ENTREP2: variants seen among roughly 807,000 people sequenced by gnomAD.
ENTREP2 encodes protein ENTREP2.
the ENTREP2 span, among the ~76,000 whole-genome samples, chr15:29,501,325 C>T: frequency 2.0e-5 from 3 of 151,940 alleles, no homozygotes; most frequent in Non-Finnish European, 4.4e-5. Flanking sequence ...GGGTTATTCA[C>T]CATGACCAAG....
the ENTREP2 span, among the ~76,000 whole-genome samples, chr15:29,178,439 C>G: frequency 4.9e-4 from 74 of 152,170 alleles, no homozygotes; most frequent in African/African-American, 1.7e-3. Flanking sequence ...ATGCACCTTT[C>G]TTACCTTCTC....
At chr15:29,667,177 C>A in the ENTREP2 span, among the ~76,000 whole-genome samples, 14 of 151,482 alleles carry the variant, frequency 9.2e-5, no homozygotes, top group Non-Finnish European at 1.5e-4. Context: ...CATATATTTT[C>A]TTTTCTTTTC....
At chr15:29,235,046 TA>T in the ENTREP2 span, 11 of 1,151,268 alleles carry the variant, frequency 9.6e-6, no homozygotes, top group Non-Finnish European at 1.3e-5. Flanking sequence ...TCTTCCCAGG[TA>T]GTGGCCCCAC....
chr15:29,669,807 T>C, the ENTREP2 span, among the ~76,000 whole-genome samples: 1 of 152,198 alleles, frequency 6.6e-6, no homozygotes, highest in Non-Finnish European at 1.5e-5. Flanking sequence ...GTTAATGACA[T>C]GCTCATTTCA....
the ENTREP2 span, among the ~76,000 whole-genome samples, chr15:29,235,719 A>G: frequency 6.6e-6 from 1 of 152,186 alleles, no homozygotes; most frequent in East Asian, 1.9e-4. Context: ...TAAACCCAGC[A>G]CTTTGGGAGG....
chr15:29,231,317 G>A, the ENTREP2 span, among the ~76,000 whole-genome samples: 7 of 152,164 alleles, frequency 4.6e-5, no homozygotes, highest in South Asian at 1.5e-3. Context: ...ACTTGACATA[G>A]TCAAAAGATA....
At chr15:29,381,006 C>T in the ENTREP2 span, among the ~76,000 whole-genome samples, 1 of 151,826 alleles carries the variant, frequency 6.6e-6, no homozygotes, top group South Asian at 2.1e-4. Flanking sequence ...CACCCGCCAA[C>T]ATTCCCCGGC....
chr15:29,646,391 T>C, the ENTREP2 span, among the ~76,000 whole-genome samples: 2 of 152,182 alleles, frequency 1.3e-5, no homozygotes, highest in African/African-American at 4.8e-5. Flanking sequence ...TTCCGTTCCA[T>C]ACAGTTGTAG....
the ENTREP2 span, among the ~76,000 whole-genome samples, chr15:29,317,276 G>C: frequency 1.3e-5 from 2 of 152,088 alleles, no homozygotes; most frequent in Non-Finnish European, 2.9e-5. Flanking sequence ...TTGTGGGACC[G>C]CAGTTGCTAA....
chr15:29,196,420 G>GC, the ENTREP2 span: 1 of 1,549,882 alleles, frequency 6.5e-7, no homozygotes, highest in Non-Finnish European at 8.7e-7. Flanking sequence ...GCAGCGCCCA[G>GC]CGGGGTCACC....
At chr15:29,645,440 G>A in the ENTREP2 span, among the ~76,000 whole-genome samples, 2 of 152,176 alleles carry the variant, frequency 1.3e-5, no homozygotes, top group African/African-American at 2.4e-5. Context: ...CAGAAAGCAC[G>A]AATGTTGAAA....
the ENTREP2 span, among the ~76,000 whole-genome samples, chr15:29,657,148 G>A: frequency 2.0e-5 from 3 of 152,046 alleles, no homozygotes; most frequent in South Asian, 2.1e-4. Flanking sequence ...CCCCCGTTCC[G>A]GCCATTCTCC....
the ENTREP2 span, among the ~76,000 whole-genome samples, chr15:29,445,377 T>TA: frequency 2.0e-5 from 3 of 152,126 alleles, no homozygotes; most frequent in African/African-American, 7.2e-5. Flanking sequence ...ACCCTGTGAT[T>TA]AGAGCGTTGG....
chr15:29,548,534 A>G, the ENTREP2 span, among the ~76,000 whole-genome samples: 1 of 152,244 alleles, frequency 6.6e-6, no homozygotes, highest in Non-Finnish European at 1.5e-5. Flanking sequence ...ATTAAGCTGA[A>G]TATACTGAAA....
At chr15:29,258,212 C>CAAAAAAAAAAAAAAAAAAAA in the ENTREP2 span, among the ~76,000 whole-genome samples, 5 of 118,326 alleles carry the variant, frequency 4.2e-5, no homozygotes, top group African/African-American at 9.8e-5. Flanking sequence ...GGCTCAGTCT[C>CAAAAAAAAAAAAAAAAAAAA]AAAAAAAAAA....
At chr15:29,565,617 G>A in the ENTREP2 span, among the ~76,000 whole-genome samples, 1 of 152,226 alleles carries the variant, frequency 6.6e-6, no homozygotes, top group African/African-American at 2.4e-5. Context: ...AGAAGTTACA[G>A]AGTAATATGG....
the ENTREP2 span, among the ~76,000 whole-genome samples, chr15:29,281,798 A>T: frequency 1.5e-4 from 23 of 152,198 alleles, no homozygotes; most frequent in African/African-American, 5.5e-4. Flanking sequence ...AGTCCCAACA[A>T]GAGGAACAGA....
the ENTREP2 span, among the ~76,000 whole-genome samples, chr15:29,126,978 G>C: frequency 6.6e-6 from 1 of 152,200 alleles, no homozygotes; most frequent in African/African-American, 2.4e-5. Context: ...TCAGGGTGTG[G>C]ACGCCACGCC....
At chr15:29,270,003 T>C in the ENTREP2 span, among the ~76,000 whole-genome samples, 1 of 152,080 alleles carries the variant, frequency 6.6e-6, no homozygotes, top group Non-Finnish European at 1.5e-5. Flanking sequence ...GAACCGAAAC[T>C]CCTAAACAAG....
Sources: gnomAD v4.1 joint callset for allele counts (sites outside exome capture counted in the v4.1 genomes callset) on GRCh38, gnomAD v4.1.1 for gene constraint, MANE v1.5 for transcripts, NCBI Gene and HGNC (gene_info 2026-07-23, HGNC 2026-07-21) for gene names.